TNNI3K: variants seen among roughly 807,000 people sequenced by gnomAD.
TNNI3K encodes the protein TNNI3 interacting kinase.
In TNNI3K, 140 loss-of-function variants were observed where a neutral mutation model predicts 114.5. The ratio of observed to expected loss-of-function variants is 1.22; its 90% CI spans 1.07 to 1.41. The LOEUF is 1.41. Ranked by LOEUF, TNNI3K falls within the 40% of genes most tolerant of loss-of-function variation. TNNI3K has a pLI of 0.00. For synonymous variants in TNNI3K, 347 were observed against 347.5 expected (o/e 1.00, Z 0.02); for missense variants, 1,125 against 1,007.6 (o/e 1.12, Z -1.58).
intron 17 of TNNI3K, chr1:74,375,112 T>C (rs960320782): frequency 2.6e-5 from 4 of 154,130 alleles, no homozygotes; most frequent in African/African-American, 9.7e-5. Context: ...GTATATGAAA[T>C]CATTTTATAA....
intron 20 of TNNI3K, among the ~76,000 whole-genome samples, chr1:74,445,633 C>A (rs12141023): frequency 7.5e-6 from 1 of 133,212 alleles, no homozygotes; most frequent in Admixed American, 7.4e-5. Flanking sequence ...TTTTTTGAGA[C>A]GGAGTCTCGC....
intron 17 of TNNI3K, among the ~76,000 whole-genome samples, chr1:74,431,426 C>T (rs986651358): frequency 4.6e-5 from 7 of 152,062 alleles, no homozygotes; most frequent in East Asian, 3.9e-4. Flanking sequence ...AGATTATGTA[C>T]CTTGATCTTT....
intron 5 of TNNI3K, among the ~76,000 whole-genome samples, chr1:74,315,062 C>T (rs1659234101): frequency 6.6e-6 from 1 of 152,078 alleles, no homozygotes; most frequent in Non-Finnish European, 1.5e-5. Context: ...GAAAATACAA[C>T]CCATTATAAC....
At chr1:74,252,755 G>A (rs1030380801) in intron 4 of TNNI3K, among the ~76,000 whole-genome samples, 2 of 152,122 alleles carry the variant, frequency 1.3e-5, no homozygotes, top group Non-Finnish European at 2.9e-5. Flanking sequence ...GGTCTCGCTG[G>A]CTTCAGGAGT....
At chr1:74,534,793 C>A (rs1028247032) in intron 23 of TNNI3K, among the ~76,000 whole-genome samples, 2 of 152,098 alleles carry the variant, frequency 1.3e-5, no homozygotes, top group African/African-American at 4.8e-5. Context: ...CTTATACAAC[C>A]TGTCATTCAA....
At chr1:74,379,461 A>C (rs1663088086) in intron 17 of TNNI3K, among the ~76,000 whole-genome samples, 1 of 152,040 alleles carries the variant, frequency 6.6e-6, no homozygotes, top group African/African-American at 2.4e-5. Flanking sequence ...ACTTAGTTCT[A>C]CAAATTACTC....
intron 23 of TNNI3K, among the ~76,000 whole-genome samples, chr1:74,535,688 A>G (rs1444933806): frequency 6.6e-6 from 1 of 152,098 alleles, no homozygotes; most frequent in Non-Finnish European, 1.5e-5. Context: ...AATCTTAGGA[A>G]ATGCAGCATT....
At chr1:74,323,755 ATATT>A (rs374756394) in intron 5 of TNNI3K, among the ~76,000 whole-genome samples, 376 of 152,284 alleles carry the variant, frequency 2.5e-3, no homozygotes, top group African/African-American at 8.1e-3. Flanking sequence ...CACTTCTGGA[ATATT>A]TATTCTTATA....
rs554262747 is a variant in TNNI3K at position 74,412,489 on chromosome 1, G to A, written c.1773-23591G>A. The stretch of plus-strand genomic sequence containing the variant: ...CCAAGCTGGGAGTAAGGAGGAGGAC[G>A]TGGCTGCAGCCAGAGTAGGAGGTTG... On this transcript the variant is annotated intron_variant, in intron 17 of 24. Transcript: ENST00000326637. Among the ~76,000 whole-genome samples the A allele has an allele frequency of 7.2e-5, 11 of 152,280 alleles. 1 individual carries two copies. The South Asian group carries it at 1.4e-3, about 20-fold the overall frequency.
intron 6 of TNNI3K, among the ~76,000 whole-genome samples, 195 bp downstream of exon 6, chr1:74,331,743 G>T (rs1425419009): frequency 5.9e-5 from 9 of 152,154 alleles, no homozygotes; most frequent in Admixed American, 1.3e-4. Flanking sequence ...TTTTGCTGAT[G>T]ATCTTATTAC....
chr1:74,351,874 T>C (rs12098189), intron 9 of TNNI3K, among the ~76,000 whole-genome samples: 11,402 of 152,256 alleles, frequency 0.075, 616 homozygotes, highest in African/African-American at 0.14. Flanking sequence ...TTGTCTAATT[T>C]TTTTTTCAAA....
chr1:74,430,356 G>C (rs893405145), intron 17 of TNNI3K, among the ~76,000 whole-genome samples: 1 of 152,000 alleles, frequency 6.6e-6, no homozygotes, highest in Non-Finnish European at 1.5e-5. Context: ...TCTGAGGTTG[G>C]GGAAAATTTT....
chr1:74,236,191 G>T lies in TNNI3K; in HGVS notation c.130G>T (p.Glu44Ter). ...GCAGATCAAGGAAAAAGAACTGACA[G>T]AACTAAGGAATATATTTGGGTAAAG... ...DLQIKEKELT[E>*]LRNIFGSDEA... is the part of the protein sequence containing the mutation. The change falls in exon 2 of 25, where the codon GAA becomes TAA. Residue 44 changes from glutamate to a stop codon, truncating the protein, a stop_gained. Transcript: ENST00000326637. LOFTEE classifies it high-confidence loss of function. 1 of 1,606,190 alleles carries T rather than the reference G, an allele frequency of 6.2e-7. No homozygotes were observed. Among genetic ancestry groups the T allele is most frequent in the South Asian group, 1.1e-5 (1 of 90,622 alleles).
At chr1:74,387,967 G>A (rs1330509844) in intron 17 of TNNI3K, among the ~76,000 whole-genome samples, 1 of 152,122 alleles carries the variant, frequency 6.6e-6, no homozygotes, top group Non-Finnish European at 1.5e-5. Context: ...TTACAAGTAA[G>A]TTTCAAATAA....
At chr1:74,373,185 C>G (rs1662703824) in intron 17 of TNNI3K, 1 of 151,808 alleles carries the variant, frequency 6.6e-6, no homozygotes, top group South Asian at 2.1e-4. Flanking sequence ...AACTAGAGTT[C>G]CACTTTATAT....
At chr1:74,430,612 C>T (rs1557561113) in intron 17 of TNNI3K, among the ~76,000 whole-genome samples, 1 of 152,066 alleles carries the variant, frequency 6.6e-6, no homozygotes, top group Non-Finnish European at 1.5e-5. Context: ...TTTTGTATTC[C>T]ACTAAGTGCA....
intron 17 of TNNI3K, among the ~76,000 whole-genome samples, chr1:74,432,316 C>T (rs1359158158): frequency 6.6e-6 from 1 of 152,072 alleles, no homozygotes. Flanking sequence ...TGAATATGCT[C>T]TGCAATATCA....
At chr1:74,284,113 GTAA>G (rs1162231813) in intron 5 of TNNI3K, among the ~76,000 whole-genome samples, 4 of 152,226 alleles carry the variant, frequency 2.6e-5, no homozygotes, top group African/African-American at 9.6e-5. Flanking sequence ...GGAATACATT[GTAA>G]TAATAATATT....
intron 5 of TNNI3K, among the ~76,000 whole-genome samples, chr1:74,273,736 A>G (rs1032884249): frequency 6.6e-6 from 1 of 151,902 alleles, no homozygotes; most frequent in Non-Finnish European, 1.5e-5. Context: ...TTGCCTTGCA[A>G]TTCTTCATGG....
Sources: allele counts gnomAD v4.1 joint callset (sites outside exome capture counted in the v4.1 genomes callset), GRCh38; gene constraint gnomAD v4.1.1; transcripts MANE v1.5; gene names NCBI Gene and HGNC (gene_info 2026-07-23, HGNC 2026-07-21).